Variants in DCC observed in about 807,000 individuals in gnomAD.
The protein encoded by DCC is DCC netrin 1 receptor.
A neutral mutation model predicts 172.5 loss-of-function variants in DCC; 58 were observed. The observed-to-expected ratio is 0.34, with a 90% CI of 0.27 to 0.42. The LOEUF (loss-of-function observed/expected upper bound fraction) is 0.42, where lower values mean the gene tolerates loss of function less well. DCC is among the 10% of genes least tolerant of loss of function. DCC has a pLI of 1.00. For missense variants in DCC, 1,740 were observed against 1,791.0 expected (o/e 0.97, Z 0.51); for synonymous variants, 709 against 644.5 (o/e 1.10, Z -1.52).
chr18:52,897,710 T>TCA (rs1452848285), intron 2 of DCC, among the ~76,000 whole-genome samples: 3 of 125,488 alleles, frequency 2.4e-5, no homozygotes, highest in Non-Finnish European at 3.8e-5. Flanking sequence ...TCTTATAAGA[T>TCA]CACATAGGGT....
chr18:52,610,769 A>G (rs1294822779), intron 1 of DCC, among the ~76,000 whole-genome samples: 2 of 152,150 alleles, frequency 1.3e-5, no homozygotes, highest in Admixed American at 6.5e-5. Context: ...AATCTTATTT[A>G]TGGGCCCTTA....
rs981733248 is a variant in DCC, at chr18:52,923,784, C to A, written c.775C>A (p.Leu259Met). Residue 259 changes from leucine to methionine, a missense_variant, in exon 4 of 29, where the codon CTG (leucine) becomes ATG (methionine). Physicochemically the swap from Leu to Met is conservative, Grantham distance 15. Coordinates refer to ENST00000442544, the MANE Select transcript of DCC (RefSeq NM_005215.4). ...AGCCATTGAAGGAAAAGATGCTGTC[C>A]TGGAATGTTGTGTTTCTGGCTATCC... ...VVAIEGKDAVLECCVSGYPPP... is the reference protein window; with the variant it reads ...VVAIEGKDAVMECCVSGYPPP... 6.2e-7 allele frequency: 1 copy of A among 1,612,870 alleles called. No individual in the cohort carries two copies. The highest frequency in any genetic ancestry group is 8.5e-7 in the Non-Finnish European group (1 of 1,179,132).
At chr18:53,425,917 GTAAT>G (rs2145088348) in intron 21 of DCC, among the ~76,000 whole-genome samples, 1 of 152,176 alleles carries the variant, frequency 6.6e-6, no homozygotes, top group South Asian at 2.1e-4. Flanking sequence ...AAATATATGT[GTAAT>G]TAGTCAGAGT....
chr18:53,215,161 G>A (rs980388778), intron 11 of DCC, among the ~76,000 whole-genome samples: 2 of 152,218 alleles, frequency 1.3e-5, no homozygotes, highest in Non-Finnish European at 2.9e-5. Context: ...AAATTATGCA[G>A]ATTCTGAAAT....
At chr18:53,040,387 T>C (rs1001233351) in intron 5 of DCC, among the ~76,000 whole-genome samples, 6 of 151,908 alleles carry the variant, frequency 3.9e-5, no homozygotes, top group Non-Finnish European at 7.4e-5. Flanking sequence ...TTTCTCAAAG[T>C]GTGATTTAGG....
At chr18:52,516,209 A>T (rs2031635636) in intron 1 of DCC, among the ~76,000 whole-genome samples, 1 of 152,190 alleles carries the variant, frequency 6.6e-6, no homozygotes, top group Non-Finnish European at 1.5e-5. Flanking sequence ...TTCAAATATC[A>T]TACAGTTCAG....
intron 9 of DCC, among the ~76,000 whole-genome samples, chr18:53,195,682 C>G (rs1358769548): frequency 6.6e-6 from 1 of 151,946 alleles, no homozygotes; most frequent in Non-Finnish European, 1.5e-5. Flanking sequence ...CAACCCATTC[C>G]TCCTGATGTG....
At chr18:52,421,359 C>T (rs531632260) in intron 1 of DCC, among the ~76,000 whole-genome samples, 1 of 152,298 alleles carries the variant, frequency 6.6e-6, no homozygotes, top group African/African-American at 2.4e-5. Flanking sequence ...GGTCCGATGA[C>T]ATTCCTAGTA....
chr18:52,358,014 T>G (rs1365367798), intron 1 of DCC, among the ~76,000 whole-genome samples: 2 of 151,766 alleles, frequency 1.3e-5, no homozygotes, highest in Non-Finnish European at 2.9e-5. Flanking sequence ...TGATAAGTCA[T>G]GTTGATAGCA....
At chr18:52,520,544 G>T (rs1184572258) in intron 1 of DCC, among the ~76,000 whole-genome samples, 1 of 152,166 alleles carries the variant, frequency 6.6e-6, no homozygotes, top group Non-Finnish European at 1.5e-5. Context: ...TCCTAAAGAA[G>T]AAATTTGCGG....
chr18:52,904,023 T>C (rs926605321), intron 2 of DCC, among the ~76,000 whole-genome samples: 1 of 152,206 alleles, frequency 6.6e-6, no homozygotes, highest in African/African-American at 2.4e-5. Flanking sequence ...TAGTTCTAAC[T>C]GAAAAAGAAT....
chr18:53,492,428 T>A (rs996060529), intron 26 of DCC, among the ~76,000 whole-genome samples: 1 of 152,354 alleles, frequency 6.6e-6, no homozygotes, highest in South Asian at 2.1e-4. Flanking sequence ...CTAGGGTTTT[T>A]ATGGTTTTAG....
chr18:52,450,052 T>C (rs1424300061), intron 1 of DCC, among the ~76,000 whole-genome samples: 1 of 152,192 alleles, frequency 6.6e-6, no homozygotes, highest in East Asian at 1.9e-4. Flanking sequence ...AATTTACAAT[T>C]GGGAAAAGAA....
chr18:53,363,670 T>C (rs1330713819), intron 15 of DCC, among the ~76,000 whole-genome samples: 1 of 152,158 alleles, frequency 6.6e-6, no homozygotes, highest in Admixed American at 6.6e-5. Context: ...TCTTCCCAGA[T>C]AAATTCCCTA....
At chr18:52,869,809 A>G (rs977343134) in intron 2 of DCC, among the ~76,000 whole-genome samples, 2 of 152,134 alleles carry the variant, frequency 1.3e-5, no homozygotes, top group South Asian at 2.1e-4. Flanking sequence ...CCCTGTTCCA[A>G]TATTGCAGTG....
At chr18:52,768,509 G>A (rs553269760) in intron 2 of DCC, among the ~76,000 whole-genome samples, 141 of 152,240 alleles carry the variant, frequency 9.3e-4, no homozygotes, top group Middle Eastern at 3.4e-3. Context: ...TTTCAGACTA[G>A]ACTTTGTGCT....
intron 25 of DCC, among the ~76,000 whole-genome samples, chr18:53,469,778 A>G (rs966014087): frequency 1.3e-5 from 2 of 151,990 alleles, no homozygotes; most frequent in South Asian, 2.1e-4. Context: ...ACTGAAAAAA[A>G]TTTCTAAATT....
rs577634301 is a variant in DCC, at chr18:53,088,365, A to G, written c.1261+22199A>G. On this transcript the variant is annotated intron_variant, in intron 7 of 28. Coordinates refer to ENST00000442544, the MANE Select transcript of DCC (RefSeq NM_005215.4). ...TAGGTATTTCATTCCCTTTGAAGCA[A>G]TTGTGAATGGGAGTTCACTCATGAT... 1.4e-4 allele frequency among the ~76,000 whole-genome samples: 22 copies of G among 152,312 alleles called. 1 individual carries two copies. Among genetic ancestry groups the G allele is most frequent in the African/African-American group, 4.6e-4 (19 of 41,546 alleles).
intron 1 of DCC, among the ~76,000 whole-genome samples, chr18:52,590,334 C>A (rs1320230238): frequency 6.6e-6 from 1 of 152,016 alleles, no homozygotes; most frequent in Non-Finnish European, 1.5e-5. Flanking sequence ...GTCTACAATT[C>A]TTTTTAAAAT....
Sources: allele counts gnomAD v4.1 joint callset (sites outside exome capture counted in the v4.1 genomes callset), GRCh38; gene constraint gnomAD v4.1.1; transcripts MANE v1.5; gene names NCBI Gene and HGNC (gene_info 2026-07-23, HGNC 2026-07-21).